TEX9: variants seen among roughly 807,000 people sequenced by gnomAD.
The protein encoded by TEX9 is testis expressed 9.
A neutral mutation model predicts 59.6 loss-of-function variants in TEX9; 74 were observed. That is an observed-to-expected ratio of 1.24 (90% CI 1.03 to 1.51). TEX9 has a LOEUF of 1.51. Ranked by LOEUF, TEX9 falls within the 40% of genes most tolerant of loss-of-function variation. The pLI is 0.00. For synonymous variants in TEX9, 186 were observed against 152.2 expected (o/e 1.22, Z -1.64); for missense variants, 522 against 447.8 (o/e 1.17, Z -1.49).
chr15:56,264,978 T>C (rs2044346953), intron 1 of TEX9, among the ~76,000 whole-genome samples: 1 of 152,206 alleles, frequency 6.6e-6, no homozygotes, highest in South Asian at 2.1e-4. Flanking sequence ...CTTTCACCAA[T>C]ATCACCCTCT....
chr15:56,320,612 C>G (rs1323518985), intron 1 of TEX9, among the ~76,000 whole-genome samples: 1 of 152,166 alleles, frequency 6.6e-6, no homozygotes. Context: ...GGTCCAATCC[C>G]TGTGACCTCA....
chr15:56,456,868 AC>A, the TEX9 span, among the ~76,000 whole-genome samples: 95 of 152,190 alleles, frequency 6.2e-4, 1 homozygote, highest in African/African-American at 2.3e-3. Context: ...ACAATCCTAG[AC>A]ATCATGTCAC....
intron 11 of TEX9, 34 bp downstream of exon 11, chr15:56,427,773 A>G: frequency 7.1e-7 from 1 of 1,404,154 alleles, no homozygotes; most frequent in Non-Finnish European, 9.4e-7. Context: ...TCATCATATT[A>G]TTTGTAACTT....
intron 1 of TEX9, among the ~76,000 whole-genome samples, chr15:56,269,684 G>A (rs867231559): frequency 6.4e-5 from 9 of 141,170 alleles, no homozygotes; most frequent in African/African-American, 1.6e-4. Context: ...ACGGAGTCTC[G>A]CTCTGTCTCC....
chr15:56,351,493 A>G (rs2046578515), intron 1 of TEX9, among the ~76,000 whole-genome samples: 1 of 152,218 alleles, frequency 6.6e-6, no homozygotes, highest in Admixed American at 6.5e-5. Flanking sequence ...TCACATGCAG[A>G]GGACTGAAAC....
At chr15:56,435,969 G>A (rs1230162407) in intron 12 of TEX9, among the ~76,000 whole-genome samples, 1 of 151,866 alleles carries the variant, frequency 6.6e-6, no homozygotes, top group Non-Finnish European at 1.5e-5. Flanking sequence ...TTATTACAGG[G>A]ATGCAAGACT....
intron 3 of TEX9, chr15:56,374,620 C>T (rs1265635330): frequency 6.6e-6 from 1 of 152,122 alleles, no homozygotes; most frequent in African/African-American, 2.4e-5. Context: ...GTTGTGCTGT[C>T]AAATACTAGG....
At chr15:56,373,320 GAATGCCA>G (rs2047275196) in intron 2 of TEX9, 114 bp from the exon 3 acceptor site, 2 of 800,112 alleles carry the variant, frequency 2.5e-6, no homozygotes, top group Non-Finnish European at 1.9e-6. Context: ...TTTAGAGTAA[GAATGCCA>G]TATGTATATT....
chr15:56,410,127 A>T (rs1312039605), intron 9 of TEX9: 1 of 152,214 alleles, frequency 6.6e-6, no homozygotes, highest in East Asian at 1.9e-4. Flanking sequence ...AATATTACTC[A>T]CAATTTCAGA....
chr15:56,260,325 AT>A (rs1412946478), intron 1 of TEX9, among the ~76,000 whole-genome samples: 1 of 152,032 alleles, frequency 6.6e-6, no homozygotes, highest in African/African-American at 2.4e-5. Context: ...GGAAGAAAGC[AT>A]TCCATATTTC....
At position 56,401,857 on chromosome 15, in the gene TEX9, A is replaced by T. The variant is rs186188236; in HGVS notation, c.828+7023A>T. ...CAAAACCACACAACTACATGGAAAC[A>T]GAACAACCTGCTCCTGAATGACTAC... On this transcript the variant is annotated intron_variant, in intron 9 of 12. Transcript: ENST00000352903. Among the ~76,000 whole-genome samples, 614 of 152,276 alleles carry T rather than the reference A, an allele frequency of 4.0e-3. 3 individuals carry two copies. The highest frequency in any genetic ancestry group is 6.3e-3 in the Non-Finnish European group (429 of 68,002).
chr15:56,398,346 C>A (rs553964720), intron 9 of TEX9: 1 of 151,342 alleles, frequency 6.6e-6, no homozygotes, highest in Non-Finnish European at 1.5e-5. Context: ...TTTGTTTTAC[C>A]TTCTTGCAGT....
intron 1 of TEX9, among the ~76,000 whole-genome samples, chr15:56,258,093 G>C (rs964864457): frequency 1.3e-5 from 2 of 151,992 alleles, no homozygotes; most frequent in Non-Finnish European, 2.9e-5. Flanking sequence ...AAGATCAGAT[G>C]GTTGTAAGTG....
intron 9 of TEX9, among the ~76,000 whole-genome samples, chr15:56,402,490 A>T (rs1375800988): frequency 1.3e-5 from 2 of 152,184 alleles, no homozygotes; most frequent in East Asian, 3.9e-4. Context: ...TTGAGGCAAT[A>T]ATTAATAGCC....
intron 1 of TEX9, among the ~76,000 whole-genome samples, chr15:56,266,115 G>A (rs1185837139): frequency 1.3e-5 from 2 of 151,340 alleles, no homozygotes; most frequent in African/African-American, 2.4e-5. Context: ...TTGGTTGCTT[G>A]TCATTATGTA....
At chr15:56,434,787 A>G (rs923750392) in intron 12 of TEX9, among the ~76,000 whole-genome samples, 2 of 152,008 alleles carry the variant, frequency 1.3e-5, no homozygotes, top group African/African-American at 4.8e-5. Context: ...ACCCATAAGT[A>G]TTTTTCAGTT....
intron 1 of TEX9, among the ~76,000 whole-genome samples, chr15:56,333,843 C>A (rs1246740629): frequency 3.3e-5 from 5 of 152,018 alleles, no homozygotes; most frequent in African/African-American, 9.7e-5. Context: ...CAAAATCATA[C>A]AAAAATCAGT....
At chr15:56,278,268 T>A (rs561356850) in intron 1 of TEX9, among the ~76,000 whole-genome samples, 29 of 152,336 alleles carry the variant, frequency 1.9e-4, no homozygotes, top group African/African-American at 6.3e-4. Context: ...TGTCTTGTAA[T>A]GCCATATATA....
chr15:56,297,519 T>G (rs562880742), intron 1 of TEX9, among the ~76,000 whole-genome samples: 1 of 152,302 alleles, frequency 6.6e-6, no homozygotes, highest in South Asian at 2.1e-4. Flanking sequence ...CTACAAAATT[T>G]CTTTTGTTTT....
Sources: gnomAD v4.1 joint callset for allele counts (sites outside exome capture counted in the v4.1 genomes callset) on GRCh38, gnomAD v4.1.1 for gene constraint, MANE v1.5 for transcripts, NCBI Gene and HGNC (gene_info 2026-07-23, HGNC 2026-07-21) for gene names.